The following ZNF487 variants were observed in gnomAD, a reference collection of about 807,000 sequenced individuals.
The protein encoded by ZNF487 is KRAB domain only 1.
Under a neutral mutation model 3.0 loss-of-function variants are expected in ZNF487, and 4 were observed. The ratio of observed to expected loss-of-function variants is 1.35; its 90% CI spans 0.66 to 3.08. The LOEUF (loss-of-function observed/expected upper bound fraction) is 3.08. ZNF487 is among the 30% of genes most tolerant of loss of function. The pLI is 0.01. For synonymous variants in ZNF487, 55 were observed against 34.6 expected (o/e 1.59, Z -2.06); for missense variants, 146 against 98.7 (o/e 1.48, Z -2.03).
At chr10:43,507,566 C>G in the ZNF487 span, among the ~76,000 whole-genome samples, 1 of 152,220 alleles carries the variant, frequency 6.6e-6, no homozygotes, top group African/African-American at 2.4e-5. Flanking sequence ...TGGTACCAGC[C>G]TCTCCTGCTG....
At chr10:43,477,326 T>C (rs1032063985) in intron 3 of ZNF487, among the ~76,000 whole-genome samples, 11 of 151,844 alleles carry the variant, frequency 7.2e-5, no homozygotes, top group African/African-American at 2.7e-4. Flanking sequence ...TCCCTAGTAG[T>C]TGGGACCATA....
chr10:43,465,391 C>T (rs1285828267), intron 1 of ZNF487, among the ~76,000 whole-genome samples: 22 of 144,178 alleles, frequency 1.5e-4, no homozygotes, highest in African/African-American at 3.8e-4. Flanking sequence ...ACTTCTCAGA[C>T]GGGGCGGCTG....
intron 1 of ZNF487, among the ~76,000 whole-genome samples, chr10:43,446,404 GCGGCCGGGCAGAGGCAC>G: frequency 6.6e-6 from 1 of 151,660 alleles, no homozygotes; most frequent in African/African-American, 2.4e-5. Flanking sequence ...CTCAGACGGG[GCGGCCGGGCAGAGGCAC>G]TCCTCAGTTC....
chr10:43,469,832 C>G (rs1840840711), intron 1 of ZNF487, among the ~76,000 whole-genome samples: 1 of 151,894 alleles, frequency 6.6e-6, no homozygotes, highest in Non-Finnish European at 1.5e-5. Flanking sequence ...CTCCTGTAAT[C>G]CTAGGTACTC....
chr10:43,485,083 C>T (rs941228480), downstream of ZNF487, among the ~76,000 whole-genome samples: 1 of 152,208 alleles, frequency 6.6e-6, no homozygotes, highest in Admixed American at 6.5e-5. Flanking sequence ...GGCCAGATTT[C>T]TCCTAACTTT....
intron 1 of ZNF487, among the ~76,000 whole-genome samples, chr10:43,456,556 G>T (rs1434086340): frequency 6.6e-6 from 1 of 152,148 alleles, no homozygotes; most frequent in African/African-American, 2.4e-5. Flanking sequence ...GGGAGGGAAA[G>T]AAATATTACT....
the ZNF487 span, among the ~76,000 whole-genome samples, chr10:43,505,966 T>C: frequency 6.6e-6 from 1 of 152,232 alleles, no homozygotes; most frequent in Non-Finnish European, 1.5e-5. Context: ...TTAAACCACA[T>C]AGAAAAGAGG....
rs1841399304 is a variant in ZNF487, at chr10:43,482,483, G to A, written c.*561G>A. On this transcript the variant is annotated 3_prime_UTR_variant, in exon 4 of 4. Transcript: ENST00000437590. Reference sequence around the variant, plus strand: ...TGCAGTACATCAAAGAACACACACGGGACAAAACCTATGAATGTAATGAAT... The same window carrying A: ...TGCAGTACATCAAAGAACACACACGAGACAAAACCTATGAATGTAATGAAT... 4.2e-6 allele frequency: 2 copies of A among 471,884 alleles called. No individual in the cohort carries two copies. The highest frequency in any genetic ancestry group is 4.3e-6 in the Non-Finnish European group (1 of 231,062). 29.2% of individuals were successfully genotyped at this position (471,884 alleles called of 1,614,324 possible).
intron 1 of ZNF487, among the ~76,000 whole-genome samples, chr10:43,458,805 C>T (rs1840314419): frequency 6.6e-6 from 1 of 151,764 alleles, no homozygotes; most frequent in African/African-American, 2.4e-5. Flanking sequence ...CACCTTGGTC[C>T]CATAGACCTC....
At chr10:43,507,635 T>C in the ZNF487 span, among the ~76,000 whole-genome samples, 1 of 152,268 alleles carries the variant, frequency 6.6e-6, no homozygotes, top group Non-Finnish European at 1.5e-5. Context: ...ACCTGGGCTT[T>C]GCTTAGTATG....
chr10:43,504,293 CTTTTTTT>C, the ZNF487 span, among the ~76,000 whole-genome samples: 3 of 108,982 alleles, frequency 2.8e-5, no homozygotes, highest in African/African-American at 1.1e-4. Flanking sequence ...TTCTTTCTTT[CTTTTTTT>C]TTTTTTTTTT....
At position 43,465,741 on chromosome 10, in the gene ZNF487, C is replaced by G. The variant is rs534521286; in HGVS notation, c.-93-9980C>G. ...GCAGAGGGGCTCCTCACATCCCAGA[C>G]GATGGGCGGCCAGGCAGAGACGCTC... On this transcript the variant is annotated intron_variant, in intron 1 of 3. Transcript: ENST00000437590. Among the ~76,000 whole-genome samples, 235 of 147,556 alleles carry G rather than the reference C, an allele frequency of 1.6e-3. 1 individual carries two copies. The highest frequency in any genetic ancestry group is 5.6e-3 in the African/African-American group (223 of 39,654).
intron 1 of ZNF487, among the ~76,000 whole-genome samples, chr10:43,463,860 G>A (rs779781629): frequency 9.2e-5 from 14 of 151,780 alleles, no homozygotes; most frequent in Non-Finnish European, 1.6e-4. Flanking sequence ...TGTTTTGACC[G>A]TATATAAGAT....
At chr10:43,475,012 A>G (rs1438068596) in intron 1 of ZNF487, among the ~76,000 whole-genome samples, 2 of 152,100 alleles carry the variant, frequency 1.3e-5, no homozygotes, top group African/African-American at 4.8e-5. Flanking sequence ...TACAAGGCGC[A>G]AACTTCCCCT....
At chr10:43,460,297 A>G (rs770799541) in intron 1 of ZNF487, among the ~76,000 whole-genome samples, 1 of 151,378 alleles carries the variant, frequency 6.6e-6, no homozygotes, top group Non-Finnish European at 1.5e-5. Flanking sequence ...TTGTTGCTTT[A>G]TCCTTTTAAA....
At chr10:43,514,411 G>A in the ZNF487 span, among the ~76,000 whole-genome samples, 1 of 152,176 alleles carries the variant, frequency 6.6e-6, no homozygotes, top group African/African-American at 2.4e-5. Flanking sequence ...AAAGTGCTGG[G>A]ATTATAGGTG....
At chr10:43,459,534 G>A (rs1217077767) in intron 1 of ZNF487, among the ~76,000 whole-genome samples, 1 of 151,832 alleles carries the variant, frequency 6.6e-6, no homozygotes, top group East Asian at 2.0e-4. Context: ...CTGGCCCTTG[G>A]TTTGCTGAGA....
intron 1 of ZNF487, among the ~76,000 whole-genome samples, chr10:43,455,523 C>A (rs891957207): frequency 1.3e-5 from 2 of 152,252 alleles, no homozygotes; most frequent in Non-Finnish European, 2.9e-5. Context: ...ACGTCCGGGT[C>A]AACGCCTGAC....
the ZNF487 span, among the ~76,000 whole-genome samples, chr10:43,521,612 A>G: frequency 6.6e-6 from 1 of 152,178 alleles, no homozygotes; most frequent in Admixed American, 6.5e-5. Flanking sequence ...TGCTCAGTGC[A>G]TGTTCTTGAC....
Sources: gnomAD v4.1 joint callset for allele counts (sites outside exome capture counted in the v4.1 genomes callset) on GRCh38, gnomAD v4.1.1 for gene constraint, MANE v1.5 for transcripts, NCBI Gene and HGNC (gene_info 2026-07-23, HGNC 2026-07-21) for gene names.